ATP9B: variants seen among roughly 807,000 people sequenced by gnomAD.
The protein encoded by ATP9B is probable phospholipid-transporting ATPase IIB.
Under a neutral mutation model 146.1 loss-of-function variants are expected in ATP9B, and 110 were observed. The ratio of observed to expected loss-of-function variants is 0.75; its 90% CI spans 0.65 to 0.88. The LOEUF (loss-of-function observed/expected upper bound fraction) is 0.88, where lower values mean the gene tolerates loss of function less well. ATP9B is among the 40% of genes least tolerant of loss of function. The pLI, the probability that ATP9B is intolerant of heterozygous loss-of-function variation, is 0.00. For missense variants in ATP9B, 1,499 were observed against 1,496.4 expected, an observed-to-expected ratio of 1.00 and a Z score of -0.03; for synonymous variants, 604 against 569.7, an observed-to-expected ratio of 1.06 and a Z score of -0.86.
At chr18:79,344,139 G>T (rs2096873347) in intron 20 of ATP9B, 126 bp from the exon 21 acceptor site, 4 of 875,110 alleles carry the variant, frequency 4.6e-6, no homozygotes, top group Non-Finnish European at 7.3e-6. Context: ...AAATACTAAA[G>T]CTCCTTTGGT....
intron 25 of ATP9B, among the ~76,000 whole-genome samples, chr18:79,349,686 C>T (rs1166622340): frequency 6.6e-6 from 1 of 152,140 alleles, no homozygotes; most frequent in Admixed American, 6.5e-5. Flanking sequence ...CTTAAGTCAC[C>T]TTTTTCCTGA....
At chr18:79,186,755 A>G (rs2095311720) in intron 8 of ATP9B, among the ~76,000 whole-genome samples, 1 of 152,260 alleles carries the variant, frequency 6.6e-6, no homozygotes, top group Admixed American at 6.5e-5. Flanking sequence ...TAACAGTTGC[A>G]CTGTGGTAAA....
Position 79,239,541 on chromosome 18 carries a change from T to C in ATP9B, c.1108-13840T>C, listed in dbSNP as rs1050558471. 5.3e-5 allele frequency among the ~76,000 whole-genome samples: 8 copies of C among 152,056 alleles called. No homozygotes were observed. The highest frequency in any genetic ancestry group is 1.0e-4 in the Non-Finnish European group (7 of 68,006). ...ACTTAAAATTGTCTTCAGAGGATGATTTCCTTCAACCTGGAGTCATTGTGC... is the reference window on the plus strand; with the variant it reads ...ACTTAAAATTGTCTTCAGAGGATGACTTCCTTCAACCTGGAGTCATTGTGC... On this transcript the variant is annotated intron_variant, in intron 11 of 29. Transcript: ENST00000426216. This position sits in a 1 kb window ranked among gnomAD's most constrained non-coding sequence, Gnocchi z 5.1.
At chr18:79,316,769 G>A (rs1225406487) in intron 15 of ATP9B, among the ~76,000 whole-genome samples, 4 of 152,216 alleles carry the variant, frequency 2.6e-5, no homozygotes, top group Non-Finnish European at 5.9e-5. Context: ...CCAAAGGAAA[G>A]TGGGAGGAAG....
intron 5 of ATP9B, among the ~76,000 whole-genome samples, chr18:79,136,869 C>T (rs1227311341): frequency 6.6e-6 from 1 of 152,184 alleles, no homozygotes; most frequent in Non-Finnish European, 1.5e-5. Context: ...GAAGCAAACA[C>T]GTCCTTCTTC....
intron 9 of ATP9B, among the ~76,000 whole-genome samples, chr18:79,198,159 C>A (rs1024278404): frequency 6.6e-6 from 1 of 151,816 alleles, no homozygotes. Context: ...TCTTTAAAAT[C>A]CTCAGGTATT....
intron 12 of ATP9B, among the ~76,000 whole-genome samples, chr18:79,272,474 G>A (rs577805955): frequency 2.8e-4 from 43 of 151,242 alleles, no homozygotes; most frequent in Admixed American, 2.0e-3. Flanking sequence ...AATCCTGCAC[G>A]GATACGCTTC....
At chr18:79,234,674 G>T (rs1568460957) in intron 11 of ATP9B, among the ~76,000 whole-genome samples, 1 of 151,502 alleles carries the variant, frequency 6.6e-6, no homozygotes, top group Non-Finnish European at 1.5e-5. Flanking sequence ...TGCTCCTGTG[G>T]GTGTGCTGCT....
chr18:79,135,524 C>T (rs1219933768), intron 5 of ATP9B, among the ~76,000 whole-genome samples: 6 of 152,202 alleles, frequency 3.9e-5, no homozygotes, highest in African/African-American at 1.4e-4. Flanking sequence ...GCCACTCCAC[C>T]TGCAGTTAGG....
intron 11 of ATP9B, among the ~76,000 whole-genome samples, chr18:79,243,321 T>TTG (rs2095907752): frequency 6.6e-6 from 1 of 152,228 alleles, no homozygotes; most frequent in African/African-American, 2.4e-5. Flanking sequence ...ATGCATTTAA[T>TTG]TGCAAGGGGA....
At chr18:79,237,765 C>T (rs2095855791) in intron 11 of ATP9B, among the ~76,000 whole-genome samples, 1 of 151,860 alleles carries the variant, frequency 6.6e-6, no homozygotes, top group Non-Finnish European at 1.5e-5. Flanking sequence ...CTGCTCACTG[C>T]AGCCTCAACC....
chr18:79,092,806 C>T (rs930939749), intron 1 of ATP9B, among the ~76,000 whole-genome samples: 13 of 151,978 alleles, frequency 8.6e-5, no homozygotes, highest in African/African-American at 2.4e-4. Flanking sequence ...ACAGTGTCTT[C>T]TGCTGGGATA....
chr18:79,157,340 G>T (rs1301780273), intron 7 of ATP9B, among the ~76,000 whole-genome samples: 3 of 137,180 alleles, frequency 2.2e-5, no homozygotes, highest in African/African-American at 5.5e-5. Flanking sequence ...AGGTTGCAGT[G>T]AGCCGAGATT....
At chr18:79,349,735 G>A (rs1309706306) in intron 25 of ATP9B, among the ~76,000 whole-genome samples, 1 of 152,118 alleles carries the variant, frequency 6.6e-6, no homozygotes, top group Non-Finnish European at 1.5e-5. Flanking sequence ...ATCCTGAGCT[G>A]TCCAAGGAGC....
intron 11 of ATP9B, among the ~76,000 whole-genome samples, chr18:79,224,719 G>A (rs2095712425): frequency 6.6e-6 from 1 of 152,200 alleles, no homozygotes; most frequent in Admixed American, 6.5e-5. Flanking sequence ...TCTCTGCTGA[G>A]CATGTGTGCC....
intron 7 of ATP9B, among the ~76,000 whole-genome samples, chr18:79,159,144 G>A (rs1489766601): frequency 1.3e-5 from 2 of 152,046 alleles, no homozygotes; most frequent in African/African-American, 2.4e-5. Context: ...CTTTGAACAC[G>A]AAGTGTGTGT....
chr18:79,250,563 G>A (rs1236756627), intron 11 of ATP9B, among the ~76,000 whole-genome samples: 9 of 152,072 alleles, frequency 5.9e-5, no homozygotes, highest in Admixed American at 5.9e-4. Flanking sequence ...TACTTCCCTG[G>A]CTTAATTTTT....
At chr18:79,256,263 A>ATATATATATATATATATATATG (rs1568508631) in intron 12 of ATP9B, among the ~76,000 whole-genome samples, 4 of 125,932 alleles carry the variant, frequency 3.2e-5, no homozygotes, top group Admixed American at 3.1e-4. Flanking sequence ...CTAGCTATAT[A>ATATATATATATATATATATATG]TATATATATA....
chr18:79,120,076 T>C (rs531802510), intron 4 of ATP9B, among the ~76,000 whole-genome samples: 6 of 152,288 alleles, frequency 3.9e-5, no homozygotes, highest in South Asian at 2.1e-4. Context: ...CTGAAGAAAA[T>C]GTTCTTCAAC....
Sources: gnomAD v4.1 joint callset for allele counts (sites outside exome capture counted in the v4.1 genomes callset) on GRCh38, gnomAD v4.1.1 for gene constraint, Gnocchi (gnomAD v3.1) non-coding constraint, MANE v1.5 for transcripts, NCBI Gene and HGNC (gene_info 2026-07-23, HGNC 2026-07-21) for gene names.